FGF18: variants seen among roughly 807,000 people sequenced by gnomAD.
The protein encoded by FGF18 is fibroblast growth factor 18.
In FGF18, 5 loss-of-function variants were observed where a neutral mutation model predicts 23.0. That is an observed-to-expected ratio of 0.22 (90% CI 0.11 to 0.46). The LOEUF is 0.46. Among genes scored for constraint, FGF18 ranks in the 20% least tolerant of loss-of-function variants. FGF18 has a pLI of 0.99. For missense variants in FGF18, 180 were observed against 291.6 expected, an observed-to-expected ratio of 0.62 and a Z score of 2.79; for synonymous variants, 117 against 118.9, an observed-to-expected ratio of 0.98 and a Z score of 0.10.
chr5:171,443,149 A>G (rs1022868663), intron 3 of FGF18, among the ~76,000 whole-genome samples: 2 of 115,938 alleles, frequency 1.7e-5, no homozygotes, highest in Non-Finnish European at 3.6e-5. Flanking sequence ...TTTTTTTTTT[A>G]GATGGAGTCT....
At chr5:171,438,688 T>C (rs1401607952) in intron 3 of FGF18, among the ~76,000 whole-genome samples, 1 of 151,790 alleles carries the variant, frequency 6.6e-6, no homozygotes, top group Non-Finnish European at 1.5e-5. Context: ...CTGCTGCTGC[T>C]CCATTTAAAT....
intron 2 of FGF18, among the ~76,000 whole-genome samples, chr5:171,433,928 C>T (rs1772213485): frequency 6.6e-6 from 1 of 152,224 alleles, no homozygotes; most frequent in Admixed American, 6.5e-5. Flanking sequence ...GCTCTGAGCA[C>T]TTAATATATT....
chr5:171,440,228 G>A lies in FGF18; in HGVS notation c.250+3955G>A, dbSNP rs571493473. ...TGACCTCCTTACTATGGGTGTGTGGGGGGGGGTGGTGCCATCGCGGGCTCA... is the reference window on the plus strand; with the variant it reads ...TGACCTCCTTACTATGGGTGTGTGGAGGGGGGTGGTGCCATCGCGGGCTCA... On this transcript the variant is annotated intron_variant, in intron 3 of 4. Transcript: ENST00000274625. The surrounding 1 kb of genome is among the most constrained non-coding windows in gnomAD (Gnocchi z 4.0). Among the ~76,000 whole-genome samples the A allele has an allele frequency of 1.4e-4, 21 of 152,106 alleles. No individual in the cohort carries two copies. The highest frequency in any genetic ancestry group is 3.9e-4 in the East Asian group (2 of 5,164).
intron 3 of FGF18, among the ~76,000 whole-genome samples, chr5:171,445,358 A>AT (rs763474797): frequency 2.0e-5 from 3 of 151,882 alleles, no homozygotes; most frequent in Non-Finnish European, 4.4e-5. Flanking sequence ...AAATTTATAT[A>AT]TTTTTTGTTG....
rs932490395 is a variant in FGF18 at position 171,431,763 on chromosome 5, C to T, written c.70-4330C>T. The stretch of plus-strand genomic sequence containing the variant: ...TTATGCACCAACCCTTCTCTCCTTT[C>T]GAGAGTTGCAGCAGACTGGGCGCGG... On this transcript the variant is annotated intron_variant, in intron 2 of 4. Coordinates refer to ENST00000274625, the MANE Select transcript of FGF18 (RefSeq NM_003862.3). Among the ~76,000 whole-genome samples the T allele has an allele frequency of 6.6e-5, 10 of 152,144 alleles. No homozygotes were observed. In the East Asian group the frequency reaches 1.5e-3, roughly 23 times the overall value.
At chr5:171,438,099 CTTTTTTT>C (rs372013681) in intron 3 of FGF18, among the ~76,000 whole-genome samples, 2 of 135,672 alleles carry the variant, frequency 1.5e-5, no homozygotes, top group African/African-American at 2.7e-5. Flanking sequence ...TTTTTCTTTT[CTTTTTTT>C]TTTTTTTTTT....
chr5:171,436,179 G>T lies in FGF18; in HGVS notation c.156G>T (p.Leu52=). ...GGGACGATGTGAGCCGTAAGCAGCTGCGGCTGTACCAGCTCTACAGCCGGA... is the reference window on the plus strand; with the variant it reads ...GGGACGATGTGAGCCGTAAGCAGCTTCGGCTGTACCAGCTCTACAGCCGGA... ...RARDDVSRKQ[L]RLYQLYSRTS... The change falls in exon 3 of 5, where the codon CTG becomes CTT. Residue 52 remains leucine, a synonymous_variant. Coordinates refer to ENST00000274625, the MANE Select transcript of FGF18 (RefSeq NM_003862.3). The surrounding 1 kb of genome is among the most constrained non-coding windows in gnomAD (Gnocchi z 4.4). 1.9e-6 allele frequency: 3 copies of T among 1,608,808 alleles called. No homozygotes were observed. Among genetic ancestry groups the T allele is most frequent in the Non-Finnish European group, 2.5e-6 (3 of 1,176,892 alleles).
Position 171,436,072 on chromosome 5 carries a change from T to C in FGF18, c.70-21T>C. 1 of 1,507,176 alleles carries C rather than the reference T, an allele frequency of 6.6e-7. No individual in the cohort carries two copies. The highest frequency in any genetic ancestry group is 1.3e-5 in the South Asian group (1 of 77,138). 93.4% of individuals were successfully genotyped at this position (1,507,176 alleles called of 1,614,324 possible). On this transcript the variant is annotated intron_variant, in intron 2 of 4. Transcript: ENST00000274625. The surrounding 1 kb of genome is among the most constrained non-coding windows in gnomAD (Gnocchi z 4.4). ...GCCTGGGACATCTGGGGTGGCTTAC[T>C]GTGTCCTTTTCCCTGCCCAGGTGCT...
rs895468350 is a variant in FGF18, at chr5:171,451,529, GC to G, written c.357+2280del. ...GCCTCCTACCATCCCGGAAATCGTTGCCCCAGCCGCCTGGCGTGTGGCTTCT... is the reference window on the plus strand; with the variant it reads ...GCCTCCTACCATCCCGGAAATCGTTGCCCAGCCGCCTGGCGTGTGGCTTCT... On this transcript the variant is annotated intron_variant, in intron 4 of 4. Coordinates refer to ENST00000274625, the MANE Select transcript of FGF18 (RefSeq NM_003862.3). The surrounding 1 kb of genome is among the most constrained non-coding windows in gnomAD (Gnocchi z 4.5). Among the ~76,000 whole-genome samples the G allele has an allele frequency of 4.6e-5, 7 of 152,104 alleles. No individual in the cohort carries two copies. The highest frequency in any genetic ancestry group is 1.7e-4 in the African/African-American group (7 of 41,414).
intron 2 of FGF18, among the ~76,000 whole-genome samples, chr5:171,427,089 C>A (rs1284026866): frequency 6.6e-6 from 1 of 152,012 alleles, no homozygotes; most frequent in African/African-American, 2.4e-5. Flanking sequence ...TGCCTGTGAT[C>A]CCAGCTACTC....
chr5:171,435,919 G>A (rs148705387), intron 2 of FGF18, among the ~76,000 whole-genome samples, 174 bp from the exon 3 acceptor site: 81 of 152,278 alleles, frequency 5.3e-4, no homozygotes, highest in African/African-American at 1.9e-3. Context: ...TCAGAGCCCC[G>A]GTTGCCTTGT....
intron 3 of FGF18, among the ~76,000 whole-genome samples, chr5:171,437,032 C>T (rs1452711797): frequency 3.3e-5 from 5 of 152,202 alleles, no homozygotes; most frequent in African/African-American, 9.7e-5. Flanking sequence ...GCCGGAAAAG[C>T]GGAGACTGCT....
rs557784016 is a variant in FGF18 at position 171,441,095 on chromosome 5, G to A, written c.250+4822G>A. Among the ~76,000 whole-genome samples the A allele has an allele frequency of 3.0e-3, 458 of 152,294 alleles. 1 individual carries two copies. Among genetic ancestry groups the A allele is most frequent in the Non-Finnish European group, 4.5e-3 (305 of 68,028 alleles). Reference sequence around the variant, plus strand: ...GTGGCTCACACAGGGAGGAAGGTCGGGGCTTCAGGGCTATTGCTGAGTTGG... The same window carrying A: ...GTGGCTCACACAGGGAGGAAGGTCGAGGCTTCAGGGCTATTGCTGAGTTGG... On this transcript the variant is annotated intron_variant, in intron 3 of 4. Coordinates refer to ENST00000274625, the MANE Select transcript of FGF18 (RefSeq NM_003862.3).
At chr5:171,450,344 T>A (rs1772479790) in intron 4 of FGF18, among the ~76,000 whole-genome samples, 1 of 152,186 alleles carries the variant, frequency 6.6e-6, no homozygotes, top group Non-Finnish European at 1.5e-5. Flanking sequence ...CAGGGCATTG[T>A]CGCATTATTT....
chr5:171,434,908 GGA>G lies in FGF18; in HGVS notation c.70-1181_70-1180del, dbSNP rs1214876221. On this transcript the variant is annotated intron_variant, in intron 2 of 4. Coordinates refer to ENST00000274625, the MANE Select transcript of FGF18 (RefSeq NM_003862.3). This position sits in a 1 kb window ranked among gnomAD's most constrained non-coding sequence, Gnocchi z 4.6. ...AAGCGCAAAGCATGGTTGAGGGGAG[GGA>G]GAGTGTCAGAGCTGGAGGTGGCTTC... Among the ~76,000 whole-genome samples, 3 of 152,008 alleles carry G rather than the reference GGA, an allele frequency of 2.0e-5. No homozygotes were observed. The highest frequency in any genetic ancestry group is 4.4e-5 in the Non-Finnish European group (3 of 68,004).
intron 3 of FGF18, among the ~76,000 whole-genome samples, chr5:171,446,986 A>G (rs989994549): frequency 1.3e-5 from 2 of 152,090 alleles, no homozygotes; most frequent in South Asian, 2.1e-4. Context: ...TCCTTCCACT[A>G]TATTTTCGTT....
At chr5:171,447,343 A>G (rs1772431564) in intron 3 of FGF18, among the ~76,000 whole-genome samples, 2 of 152,042 alleles carry the variant, frequency 1.3e-5, no homozygotes, top group Non-Finnish European at 2.9e-5. Context: ...CAAGTTTCAG[A>G]GCTGCTGTGA....
chr5:171,442,794 G>A (rs934430104), intron 3 of FGF18, among the ~76,000 whole-genome samples: 9 of 152,138 alleles, frequency 5.9e-5, no homozygotes, highest in African/African-American at 1.7e-4. Flanking sequence ...GCGAGGCCCC[G>A]GATCACCCTC....
chr5:171,449,359 C>CAG, intron 4 of FGF18, 106 bp downstream of exon 4: 1 of 246,442 alleles, frequency 4.1e-6, no homozygotes, highest in Non-Finnish European at 7.8e-6. Context: ...GGAAAACAGG[C>CAG]CGTGTGTGTG....
Sources: gnomAD v4.1 joint callset for allele counts (sites outside exome capture counted in the v4.1 genomes callset) on GRCh38, gnomAD v4.1.1 for gene constraint, Gnocchi (gnomAD v3.1) non-coding constraint, MANE v1.5 for transcripts, NCBI Gene and HGNC (gene_info 2026-07-23, HGNC 2026-07-21) for gene names.